TENM3: variants seen among roughly 807,000 people sequenced by gnomAD.
The protein encoded by TENM3 is teneurin transmembrane protein 3.
A neutral mutation model predicts 255.1 loss-of-function variants in TENM3; 63 were observed. The observed-to-expected ratio is 0.25, with a 90% confidence interval of 0.20 to 0.30. The LOEUF (loss-of-function observed/expected upper bound fraction) is 0.30. Ranked by LOEUF, TENM3 falls within the 10% of genes least tolerant of loss-of-function variation. The probability of loss-of-function intolerance (pLI) is 1.00; values close to 1 mark genes in which losing one functional copy is unlikely to be tolerated. For synonymous variants in TENM3, 1,306 were observed against 1,322.3 expected, an observed-to-expected ratio of 0.99 and a Z score of 0.27; for missense variants, 2,929 against 3,461.1, an observed-to-expected ratio of 0.85 and a Z score of 3.86.
intron 18 of TENM3, among the ~76,000 whole-genome samples, chr4:182,739,637 C>G (rs1480323227): frequency 1.3e-5 from 2 of 152,176 alleles, no homozygotes; most frequent in Non-Finnish European, 2.9e-5. Flanking sequence ...CTTCAGTGTT[C>G]ATTCCTGCTT....
At chr4:181,506,454 T>G in the TENM3 span, among the ~76,000 whole-genome samples, 10,102 of 151,718 alleles carry the variant, frequency 0.067, 435 homozygotes, top group South Asian at 0.14. Flanking sequence ...AGAGAAAGAC[T>G]CAGTCCTTCA....
At chr4:182,560,163 C>T (rs1743012167) in intron 3 of TENM3, among the ~76,000 whole-genome samples, 1 of 151,132 alleles carries the variant, frequency 6.6e-6, no homozygotes, top group South Asian at 2.1e-4. Flanking sequence ...ATCCTGGCAG[C>T]ATTGCAGTAC....
chr4:181,630,706 G>C, the TENM3 span, among the ~76,000 whole-genome samples: 926 of 152,276 alleles, frequency 6.1e-3, 11 homozygotes, highest in African/African-American at 0.021. Flanking sequence ...CTGAGAAACA[G>C]TTTGTTAAAA....
chr4:182,031,862 C>T, the TENM3 span, among the ~76,000 whole-genome samples: 236 of 152,060 alleles, frequency 1.6e-3, 2 homozygotes, highest in African/African-American at 5.5e-3. Context: ...TTGTATATTG[C>T]TGATGTGTAG....
intron 18 of TENM3, among the ~76,000 whole-genome samples, chr4:182,741,741 A>T (rs1025497447): frequency 2.6e-5 from 4 of 152,186 alleles, no homozygotes; most frequent in Non-Finnish European, 5.9e-5. Flanking sequence ...ATTTTTCTTA[A>T]ATTTGAATAA....
chr4:182,059,745 C>CAAAAAAAAAAAA, the TENM3 span, among the ~76,000 whole-genome samples: 1 of 43,156 alleles, frequency 2.3e-5, no homozygotes, highest in Non-Finnish European at 4.4e-5. Context: ...TCTGTCTCTA[C>CAAAAAAAAAAAA]AAAAAAAAAA....
intron 3 of TENM3, among the ~76,000 whole-genome samples, chr4:182,352,526 A>C (rs372238067): frequency 4.5e-4 from 68 of 152,278 alleles, no homozygotes; most frequent in African/African-American, 1.6e-3. Flanking sequence ...AGTTTGAGCA[A>C]TGTACCTGTT....
intron 3 of TENM3, among the ~76,000 whole-genome samples, chr4:182,397,718 C>A (rs967720951): frequency 3.3e-5 from 5 of 152,142 alleles, no homozygotes; most frequent in Non-Finnish European, 7.3e-5. Context: ...CTTCGGTGAG[C>A]ACGGAATCAC....
At chr4:181,952,307 C>T in the TENM3 span, among the ~76,000 whole-genome samples, 3 of 152,120 alleles carry the variant, frequency 2.0e-5, no homozygotes, top group African/African-American at 7.2e-5. Flanking sequence ...GAAATTGTTG[C>T]ATAGCCCATT....
chr4:182,474,195 C>G (rs563197295), intron 3 of TENM3, among the ~76,000 whole-genome samples: 1 of 152,210 alleles, frequency 6.6e-6, no homozygotes, highest in African/African-American at 2.4e-5. Flanking sequence ...TTACCTACCC[C>G]TTAGAAATTT....
At chr4:182,064,256 A>G in the TENM3 span, among the ~76,000 whole-genome samples, 4 of 151,970 alleles carry the variant, frequency 2.6e-5, no homozygotes, top group Non-Finnish European at 5.9e-5. Flanking sequence ...ATGAATCTAA[A>G]AAGTTGTGGA....
chr4:181,688,712 G>C, the TENM3 span, among the ~76,000 whole-genome samples: 4 of 152,178 alleles, frequency 2.6e-5, no homozygotes, highest in Non-Finnish European at 5.9e-5. Flanking sequence ...GCCTGCCACA[G>C]AGTATCTGTG....
At chr4:182,066,599 A>ATATATATATATATATATAT in the TENM3 span, among the ~76,000 whole-genome samples, 1 of 137,104 alleles carries the variant, frequency 7.3e-6, no homozygotes, top group African/African-American at 2.9e-5. Flanking sequence ...GTAAAAAAAA[A>ATATATATATATATATATAT]ATATATATAT....
At chr4:181,516,939 A>G in the TENM3 span, among the ~76,000 whole-genome samples, 1 of 152,162 alleles carries the variant, frequency 6.6e-6, no homozygotes, top group Non-Finnish European at 1.5e-5. Flanking sequence ...TTATCAAGTG[A>G]CAGAGTAGGG....
chr4:182,614,597 T>C lies in TENM3; in HGVS notation c.749+13436T>C, dbSNP rs185853238. On this transcript the variant is annotated intron_variant, in intron 4 of 27. Transcript: ENST00000511685. ...ATTTGCTCATTTTTATTTTTAGTTA[T>C]AGCTTTTTTGTCAAGTATAAATCTA... Among the ~76,000 whole-genome samples the C allele has an allele frequency of 4.4e-3, 672 of 152,312 alleles. 2 individuals are homozygous for C. The highest frequency in any genetic ancestry group is 0.016 in the African/African-American group (648 of 41,584).
At chr4:181,895,471 G>T in the TENM3 span, among the ~76,000 whole-genome samples, 371 of 149,172 alleles carry the variant, frequency 2.5e-3, no homozygotes, top group African/African-American at 8.8e-3. Context: ...ACACACTCGC[G>T]CTCCCAGTCC....
At position 182,162,409 on chromosome 4, in the gene TENM3, GACAA is replaced by G. The variant is rs538978982; in HGVS notation, c.-76+17658_-76+17661del. Among the ~76,000 whole-genome samples, 134 of 152,206 alleles carry G rather than the reference GACAA, an allele frequency of 8.8e-4. 1 individual carries two copies. Among genetic ancestry groups the G allele is most frequent in the African/African-American group, 3.1e-3 (130 of 41,526 alleles). ...GCTCCAAAGAAATGTGTAATAATTA[GACAA>G]ACTAACACTGTGAGCTAGGATTAAG... On this transcript the variant is annotated intron_variant, in intron 1 of 2. Transcript: ENST00000512480.
intron 3 of TENM3, among the ~76,000 whole-genome samples, chr4:182,559,839 C>T (rs540093461): frequency 6.6e-6 from 1 of 151,940 alleles, no homozygotes; most frequent in South Asian, 2.1e-4. Flanking sequence ...TGAATAAGAT[C>T]TAGTATTTGA....
chr4:182,495,643 T>C (rs1735704724), intron 3 of TENM3, among the ~76,000 whole-genome samples: 1 of 152,202 alleles, frequency 6.6e-6, no homozygotes, highest in South Asian at 2.1e-4. Context: ...TTTTCAAGAT[T>C]TCCCCCCGTA....
Sources: allele counts gnomAD v4.1 joint callset (sites outside exome capture counted in the v4.1 genomes callset), GRCh38; gene constraint gnomAD v4.1.1; transcripts MANE v1.5; gene names NCBI Gene and HGNC (gene_info 2026-07-23, HGNC 2026-07-21).